The following MAML3 variants were observed in gnomAD, a reference collection of about 807,000 sequenced individuals.
The protein encoded by MAML3 is mastermind like transcriptional coactivator 3.
A neutral mutation model predicts 101.9 loss-of-function variants in MAML3; 27 were observed. The observed-to-expected ratio is 0.27, with a 90% confidence interval of 0.20 to 0.37. MAML3 has a LOEUF of 0.37. MAML3 is among the 10% of genes least tolerant of loss of function. MAML3 has a pLI of 1.00. For synonymous variants in MAML3, 501 were observed against 555.9 expected (o/e 0.90, Z 1.39); for missense variants, 1,316 against 1,444.9 (o/e 0.91, Z 1.45).
At chr4:139,873,077 A>C (rs544011854) in intron 2 of MAML3, among the ~76,000 whole-genome samples, 1 of 152,088 alleles carries the variant, frequency 6.6e-6, no homozygotes, top group East Asian at 1.9e-4. Context: ...GTGAGACTCC[A>C]TCTCAAAAAA....
intron 2 of MAML3, among the ~76,000 whole-genome samples, chr4:139,820,852 A>T (rs1199002865): frequency 1.3e-5 from 2 of 152,112 alleles, no homozygotes. Flanking sequence ...ATCCTTATAC[A>T]TATATTTTTG....
At chr4:139,914,403 T>C (rs1378474) in intron 1 of MAML3, among the ~76,000 whole-genome samples, 47,354 of 151,968 alleles carry the variant, frequency 0.31, 8,558 homozygotes, top group East Asian at 0.67. Context: ...TTATTATTAT[T>C]GATTATAATG....
At chr4:139,852,048 T>G (rs1731563553) in intron 2 of MAML3, among the ~76,000 whole-genome samples, 1 of 152,250 alleles carries the variant, frequency 6.6e-6, no homozygotes, top group South Asian at 2.1e-4. Context: ...TCACTCTGGC[T>G]CTATGTCACA....
intron 2 of MAML3, among the ~76,000 whole-genome samples, chr4:139,760,645 T>A (rs1295060675): frequency 6.6e-6 from 1 of 152,208 alleles, no homozygotes; most frequent in Non-Finnish European, 1.5e-5. Context: ...GATGAGGCTG[T>A]AAAACACGTG....
In MAML3 at chr4:140,133,198, C is replaced by T. The variant is rs551230550; in HGVS notation, c.468+19662G>A. On this transcript the variant is annotated intron_variant, in intron 1 of 4. Transcript: ENST00000509479. ...AAAAAAGAGAGTTTACTTTAAAAGTCCTATTTGTGTAACTTAAAAATTAGT... is the reference window on the plus strand; with the variant it reads ...AAAAAAGAGAGTTTACTTTAAAAGTTCTATTTGTGTAACTTAAAAATTAGT... The T allele has an allele frequency of 1.9e-5, 7 of 376,898 alleles. No homozygotes were observed. The East Asian group carries it at 5.1e-4, about 28-fold the overall frequency. The allele number at this position is 376,898 out of a possible 1,614,324, so 23.3% of individuals were successfully genotyped here.
chr4:139,872,692 G>A (rs1312691202), intron 2 of MAML3, among the ~76,000 whole-genome samples: 1 of 152,144 alleles, frequency 6.6e-6, no homozygotes, highest in Non-Finnish European at 1.5e-5. Flanking sequence ...GGATAGAAAT[G>A]ATAAGTGTCT....
chr4:140,034,634 A>G (rs909580226), intron 1 of MAML3, among the ~76,000 whole-genome samples: 7 of 152,220 alleles, frequency 4.6e-5, no homozygotes, highest in Non-Finnish European at 1.5e-5. Flanking sequence ...GAGATCTGGA[A>G]TCAGAGTACC....
At chr4:140,091,537 C>A (rs75216617) in intron 1 of MAML3, among the ~76,000 whole-genome samples, 826 of 71,566 alleles carry the variant, frequency 0.012, 23 homozygotes, top group Middle Eastern at 0.048. Flanking sequence ...AACAACAAAA[C>A]AAAAACAAAA....
intron 1 of MAML3, among the ~76,000 whole-genome samples, chr4:140,108,796 A>G (rs1454629846): frequency 6.6e-6 from 1 of 151,936 alleles, no homozygotes; most frequent in Non-Finnish European, 1.5e-5. Context: ...TATGCCAAAG[A>G]AGATAACTTA....
At chr4:139,885,860 G>A (rs1732322507) in intron 2 of MAML3, among the ~76,000 whole-genome samples, 1 of 142,794 alleles carries the variant, frequency 7.0e-6, no homozygotes, top group African/African-American at 2.5e-5. Flanking sequence ...GTGAACCCGG[G>A]AGGTGGAGTT....
At chr4:139,958,846 T>C (rs916282886) in intron 1 of MAML3, among the ~76,000 whole-genome samples, 5 of 152,248 alleles carry the variant, frequency 3.3e-5, no homozygotes, top group Admixed American at 2.0e-4. Flanking sequence ...CCTTCACACA[T>C]AGGACAATGA....
intron 1 of MAML3, among the ~76,000 whole-genome samples, chr4:139,950,289 C>G (rs1168875152): frequency 6.6e-6 from 1 of 152,190 alleles, no homozygotes; most frequent in Non-Finnish European, 1.5e-5. Flanking sequence ...ATCTGCCTGC[C>G]TTGGTCTCCC....
At chr4:139,861,857 G>A (rs1421574633) in intron 2 of MAML3, among the ~76,000 whole-genome samples, 1 of 152,086 alleles carries the variant, frequency 6.6e-6, no homozygotes, top group Non-Finnish European at 1.5e-5. Flanking sequence ...TTACGAGCTG[G>A]TTTGGCCAGT....
intron 2 of MAML3, among the ~76,000 whole-genome samples, chr4:139,874,197 C>G (rs1399304032): frequency 1.3e-5 from 2 of 152,082 alleles, no homozygotes; most frequent in Non-Finnish European, 2.9e-5. Context: ...CTCAAAGAGT[C>G]TAACAGACCT....
intron 1 of MAML3, among the ~76,000 whole-genome samples, chr4:139,893,931 A>G (rs1007541559): frequency 2.0e-5 from 3 of 152,092 alleles, no homozygotes; most frequent in African/African-American, 7.2e-5. Flanking sequence ...GGTTTCAGTG[A>G]CTTTACATAG....
intron 2 of MAML3, among the ~76,000 whole-genome samples, chr4:139,860,017 A>AC (rs1731742768): frequency 6.6e-6 from 1 of 152,166 alleles, no homozygotes; most frequent in Non-Finnish European, 1.5e-5. Context: ...AGCCTCGAGT[A>AC]CCCGGGGGCA....
intron 2 of MAML3, among the ~76,000 whole-genome samples, chr4:139,833,655 T>G (rs1427902699): frequency 6.6e-6 from 1 of 152,236 alleles, no homozygotes; most frequent in African/African-American, 2.4e-5. Flanking sequence ...TGCAAGAATT[T>G]ATTCTCACAG....
At chr4:139,812,067 C>T (rs1730806831) in intron 2 of MAML3, among the ~76,000 whole-genome samples, 1 of 152,028 alleles carries the variant, frequency 6.6e-6, no homozygotes, top group Non-Finnish European at 1.5e-5. Flanking sequence ...ACCAGCCTGG[C>T]AACAGAGCTA....
chr4:140,151,690 C>CG (rs397995581), intron 1 of MAML3, among the ~76,000 whole-genome samples: 51,100 of 124,400 alleles, frequency 0.41, 11,972 homozygotes, highest in Non-Finnish European at 0.5. Flanking sequence ...CGGCGCGGTG[C>CG]GGGGGGGGGG....
Sources: allele counts gnomAD v4.1 joint callset (sites outside exome capture counted in the v4.1 genomes callset), GRCh38; gene constraint gnomAD v4.1.1; transcripts MANE v1.5; gene names NCBI Gene and HGNC (gene_info 2026-07-23, HGNC 2026-07-21).